Variants in BPIFB1 observed in about 807,000 individuals in gnomAD.
BPIFB1 encodes BPI fold containing family B member 1.
BPIFB1 carries 34 observed loss-of-function variants against 55.1 expected under a neutral mutation model. That is an observed-to-expected ratio of 0.62 (90% CI 0.47 to 0.82). BPIFB1 has a LOEUF of 0.82. Among genes scored for constraint, BPIFB1 ranks in the 40% least tolerant of loss-of-function variants. The pLI is 0.00. For missense variants in BPIFB1, 532 were observed against 593.1 expected (o/e 0.90, Z 1.07); for synonymous variants, 236 against 245.3 (o/e 0.96, Z 0.35).
At chr20:33,300,045 G>A in intron 8 of BPIFB1, 61 bp downstream of exon 8, 1 of 1,430,510 alleles carries the variant, frequency 7.0e-7, no homozygotes, top group Non-Finnish European at 9.9e-7. Flanking sequence ...CTGACCACCA[G>A]GAGTCAGATA....
chr20:33,288,442 G>A (rs1202880820), intron 2 of BPIFB1, among the ~76,000 whole-genome samples: 2 of 152,178 alleles, frequency 1.3e-5, no homozygotes, highest in Non-Finnish European at 2.9e-5. Context: ...ATGAGTGCAG[G>A]TCCAGGTGCT....
intron 9 of BPIFB1, among the ~76,000 whole-genome samples, 163 bp from the exon 10 acceptor site, chr20:33,302,196 A>AC (rs1334829819): frequency 6.6e-6 from 1 of 152,098 alleles, no homozygotes; most frequent in Non-Finnish European, 1.5e-5. Flanking sequence ...ATAGAAGCTG[A>AC]CCTAGGGGCT....
Position 33,286,141 on chromosome 20 carries a change from T to C in BPIFB1, c.68T>C (p.Leu23Pro), listed in dbSNP as rs896584324. ...LLAATLIQATLSPTAVLILGP... is the reference protein window; with the variant it reads ...LLAATLIQATPSPTAVLILGP... ...GCAGCCACCTTGATCCAAGCCACCCTCAGTCCCACTGCAGTTCTCATCCTC... is the reference window on the plus strand; with the variant it reads ...GCAGCCACCTTGATCCAAGCCACCCCCAGTCCCACTGCAGTTCTCATCCTC... The change falls in exon 2 of 16, where the codon CTC (leucine) becomes CCC (proline). Residue 23 changes from leucine (L) to proline (P), a missense_variant. Coordinates refer to ENST00000253354, the MANE Select transcript of BPIFB1 (RefSeq NM_033197.3). 1 of 1,614,050 alleles carries C rather than the reference T, an allele frequency of 6.2e-7. No individual in the cohort carries two copies. Among genetic ancestry groups the C allele is most frequent in the Non-Finnish European group, 8.5e-7 (1 of 1,180,036 alleles).
rs368501504 is a variant in BPIFB1, at chr20:33,301,316, C to T, written c.831C>T (p.Asn277=). Residue 277 remains asparagine (N), a synonymous_variant, in exon 9 of 16, where the codon AAC becomes AAT. Coordinates refer to ENST00000253354, the MANE Select transcript of BPIFB1 (RefSeq NM_033197.3). ...AASLTMPTLD[N]IPFSLIVSQD... ...CCCTGACAATGCCCACCCTGGACAA[C>T]ATCCCGTTCAGCCTCATCGTGAGTC... is the stretch of plus-strand genomic sequence containing the variant. 4.9e-5 allele frequency: 79 copies of T among 1,614,096 alleles called. No individual in the cohort carries two copies. Among genetic ancestry groups the T allele is most frequent in the Non-Finnish European group, 5.7e-5 (67 of 1,180,048 alleles).
chr20:33,290,439 T>C (rs965345359), intron 4 of BPIFB1, among the ~76,000 whole-genome samples: 3 of 152,140 alleles, frequency 2.0e-5, no homozygotes, highest in Admixed American at 2.0e-4. Context: ...TAATGATGGC[T>C]TAGACCAGGG....
chr20:33,288,623 T>C, intron 2 of BPIFB1, 118 bp from the exon 3 acceptor site: 1 of 1,228,090 alleles, frequency 8.1e-7, no homozygotes, highest in Non-Finnish European at 1.1e-6. Flanking sequence ...TAGAGATGGC[T>C]ACACCCTCGC....
chr20:33,292,064 G>T (rs1311014190), intron 6 of BPIFB1, 76 bp downstream of exon 6: 4 of 1,319,236 alleles, frequency 3.0e-6, no homozygotes, highest in Non-Finnish European at 4.4e-6. Flanking sequence ...GCAAGTTGGT[G>T]CTAAGTGACT....
At chr20:33,284,449 G>A (rs1377708005) in intron 1 of BPIFB1, among the ~76,000 whole-genome samples, 1 of 152,148 alleles carries the variant, frequency 6.6e-6, no homozygotes, top group Non-Finnish European at 1.5e-5. Context: ...CCACTATACT[G>A]GATGCCAGGG....
chr20:33,307,917 C>A (rs577258740), intron 15 of BPIFB1: 1,940 of 151,336 alleles, frequency 0.013, 23 homozygotes, highest in Non-Finnish European at 0.022. Flanking sequence ...CCATCCCCCC[C>A]CCAAAAAAAA....
At chr20:33,290,174 G>T (rs1334316020) in intron 4 of BPIFB1, among the ~76,000 whole-genome samples, 182 bp downstream of exon 4, 2 of 152,238 alleles carry the variant, frequency 1.3e-5, no homozygotes, top group Non-Finnish European at 2.9e-5. Flanking sequence ...ACAGGGGAAA[G>T]AGAGAGGGGG....
Position 33,301,246 on chromosome 20 carries a change from A to G in BPIFB1, c.761A>G (p.Asp254Gly). The G allele has an allele frequency of 6.2e-7, 1 of 1,614,090 alleles. No homozygotes were observed. The highest frequency in any genetic ancestry group is 1.3e-5 in the African/African-American group (1 of 75,042). The change falls in exon 9 of 16, where the codon GAC (aspartate) becomes GGC (glycine). Residue 254 changes from aspartate (D) to glycine (G), a missense_variant. Coordinates refer to ENST00000253354, the MANE Select transcript of BPIFB1 (RefSeq NM_033197.3). ...CTGTCTCCTCAGGCCAAGTTGTTGG[A>G]CTCACAGGGAAAGGTGACCAAGTGG... ...IQLYLGAKLL[D>G]SQGKVTKWFN...
At chr20:33,302,671 C>G (rs77898271) in intron 10 of BPIFB1, 4 of 622,248 alleles carry the variant, frequency 6.4e-6, no homozygotes, top group Non-Finnish European at 8.4e-6. Context: ...GCCCCTGATA[C>G]AGTCTGGGAC....
chr20:33,283,749 G>A (rs531182584), intron 1 of BPIFB1, among the ~76,000 whole-genome samples: 10 of 152,164 alleles, frequency 6.6e-5, no homozygotes, highest in African/African-American at 2.4e-4. Flanking sequence ...GATATTCCAC[G>A]AAGGGGAACT....
chr20:33,307,221 A>T (rs769980917), intron 15 of BPIFB1: 11 of 505,998 alleles, frequency 2.2e-5, no homozygotes, highest in African/African-American at 3.9e-5. Flanking sequence ...TCATTCATTC[A>T]TTCATTCATT....
chr20:33,291,775 G>A (rs552647394), intron 5 of BPIFB1, 132 bp from the exon 6 acceptor site: 89 of 756,680 alleles, frequency 1.2e-4, no homozygotes, highest in South Asian at 5.8e-4. Flanking sequence ...TCCCAGCCCC[G>A]TCTCTAACAC....
At chr20:33,290,444 C>G (rs1465189669) in intron 4 of BPIFB1, among the ~76,000 whole-genome samples, 4 of 152,076 alleles carry the variant, frequency 2.6e-5, no homozygotes, top group Non-Finnish European at 4.4e-5. Context: ...ATGGCTTAGA[C>G]CAGGGTTTGG....
chr20:33,298,991 T>TTTG, intron 7 of BPIFB1: 1 of 299,542 alleles, frequency 3.3e-6, no homozygotes, highest in Non-Finnish European at 6.7e-6. Flanking sequence ...TTTTTTTTTT[T>TTTG]GGAGACGGAC....
intron 1 of BPIFB1, among the ~76,000 whole-genome samples, chr20:33,285,688 A>G (rs1188080848): frequency 6.7e-6 from 1 of 149,974 alleles, no homozygotes; most frequent in Non-Finnish European, 1.5e-5. Context: ...ACTGCACTCC[A>G]GCCTGGGTGA....
At chr20:33,297,245 T>C (rs951974752) in intron 6 of BPIFB1, among the ~76,000 whole-genome samples, 5 of 152,212 alleles carry the variant, frequency 3.3e-5, no homozygotes, top group African/African-American at 9.6e-5. Flanking sequence ...ATGGAAAACA[T>C]AGACACCTGT....
Sources: allele counts gnomAD v4.1 joint callset (sites outside exome capture counted in the v4.1 genomes callset), GRCh38; gene constraint gnomAD v4.1.1; transcripts MANE v1.5; gene names NCBI Gene and HGNC (gene_info 2026-07-23, HGNC 2026-07-21).